Variants in DGKB observed in about 807,000 individuals in gnomAD.
The protein encoded by DGKB is 90 kDa diacylglycerol kinase.
Under a neutral mutation model 114.3 loss-of-function variants are expected in DGKB, and 67 were observed. The observed-to-expected ratio is 0.59, with a 90% CI of 0.48 to 0.72. DGKB has a LOEUF of 0.72. Ranked by LOEUF, DGKB falls within the 30% of genes least tolerant of loss-of-function variation. DGKB has a pLI of 0.00. For synonymous variants in DGKB, 398 were observed against 323.1 expected, an observed-to-expected ratio of 1.23 and a Z score of -2.49; for missense variants, 907 against 975.2, an observed-to-expected ratio of 0.93 and a Z score of 0.93.
At chr7:14,532,254 A>G (rs1227432688) in intron 20 of DGKB, among the ~76,000 whole-genome samples, 1 of 151,246 alleles carries the variant, frequency 6.6e-6, no homozygotes, top group Non-Finnish European at 1.5e-5. Flanking sequence ...CTACAAAAAA[A>G]AAAAGACAAA....
intron 13 of DGKB, 67 bp from the exon 14 acceptor site, chr7:14,630,335 T>C: frequency 8.0e-7 from 1 of 1,243,312 alleles, no homozygotes; most frequent in Non-Finnish European, 1.1e-6. Context: ...TCAGTGAAGT[T>C]TCTCATATCA....
intron 20 of DGKB, among the ~76,000 whole-genome samples, chr7:14,543,675 G>C (rs985172068): frequency 6.6e-6 from 1 of 152,138 alleles, no homozygotes; most frequent in South Asian, 2.1e-4. Flanking sequence ...AAAACTATTT[G>C]TAAAGAATTT....
At chr7:14,470,897 T>C (rs1439382284) in intron 21 of DGKB, among the ~76,000 whole-genome samples, 1 of 151,530 alleles carries the variant, frequency 6.6e-6, no homozygotes, top group African/African-American at 2.4e-5. Flanking sequence ...TTTTGTTGAA[T>C]TCACAGAAAT....
At chr7:14,478,044 A>G (rs921748816) in intron 21 of DGKB, 117 bp downstream of exon 21, 5 of 584,786 alleles carry the variant, frequency 8.6e-6, no homozygotes, top group South Asian at 5.7e-5. Flanking sequence ...ACACACACAC[A>G]CGCACACAAA....
intron 20 of DGKB, among the ~76,000 whole-genome samples, chr7:14,557,439 A>G (rs963368512): frequency 3.3e-5 from 5 of 152,190 alleles, no homozygotes; most frequent in African/African-American, 1.2e-4. Flanking sequence ...GGGAGAAAAA[A>G]GCTTTGGGCT....
intron 20 of DGKB, among the ~76,000 whole-genome samples, chr7:14,565,405 C>G (rs1224757834): frequency 6.6e-6 from 1 of 152,134 alleles, no homozygotes; most frequent in Non-Finnish European, 1.5e-5. Context: ...CATATTAAGC[C>G]ACTGAATTTT....
intron 1 of DGKB, among the ~76,000 whole-genome samples, chr7:14,944,794 C>T (rs1228879676): frequency 7.0e-6 from 1 of 142,702 alleles, no homozygotes; most frequent in Non-Finnish European, 1.5e-5. Context: ...TCAAAAATGT[C>T]AATAATGCTA....
At position 14,307,403 on chromosome 7, in the gene DGKB, T is replaced by C. The variant is rs368736319; in HGVS notation, c.2122+31112A>G. The stretch of plus-strand genomic sequence containing the variant: ...AAGACATTTAATTCAAGTTTTAACA[T>C]ATTTCTAATGTATGACTAAGCATAT... On this transcript the variant is annotated intron_variant, in intron 23 of 25. Coordinates refer to ENST00000402815, the MANE Select transcript of DGKB (RefSeq NM_001350709.2). 2.6e-5 allele frequency among the ~76,000 whole-genome samples: 4 copies of C among 152,230 alleles called. No individual in the cohort carries two copies. In the East Asian group the frequency reaches 7.7e-4, roughly 29 times the overall value.
chr7:14,970,231 T>C (rs1379214223), intron 1 of DGKB, among the ~76,000 whole-genome samples: 3 of 152,150 alleles, frequency 2.0e-5, no homozygotes, highest in African/African-American at 7.2e-5. Context: ...ATGATGATGA[T>C]GAACTATCAC....
chr7:14,613,090 G>C (rs533751775), intron 16 of DGKB, among the ~76,000 whole-genome samples: 1 of 152,074 alleles, frequency 6.6e-6, no homozygotes, highest in Non-Finnish European at 1.5e-5. Flanking sequence ...TTAGGGGATA[G>C]GGGTGATAGG....
chr7:14,621,278 G>T, intron 15 of DGKB, 100 bp downstream of exon 15: 1 of 691,214 alleles, frequency 1.4e-6, no homozygotes, highest in Non-Finnish European at 2.5e-6. Flanking sequence ...AAGCTAATAT[G>T]CAGATTAAAC....
At chr7:14,168,515 T>C (rs1041614987) in intron 25 of DGKB, among the ~76,000 whole-genome samples, 3 of 151,944 alleles carry the variant, frequency 2.0e-5, no homozygotes, top group African/African-American at 7.3e-5. Context: ...CTCATCAAAG[T>C]CCAACTGCTG....
intron 21 of DGKB, among the ~76,000 whole-genome samples, chr7:14,438,831 T>G (rs1474350803): frequency 1.3e-5 from 2 of 152,124 alleles, no homozygotes; most frequent in Non-Finnish European, 2.9e-5. Flanking sequence ...CTATATCTTT[T>G]GAAAGGTTAA....
At chr7:14,422,030 A>G (rs1826793897) in intron 21 of DGKB, among the ~76,000 whole-genome samples, 1 of 152,052 alleles carries the variant, frequency 6.6e-6, no homozygotes, top group South Asian at 2.1e-4. Context: ...AAGCATATTT[A>G]TAGAAGGTAT....
chr7:14,344,618 TTTC>T (rs1279545864), intron 22 of DGKB, among the ~76,000 whole-genome samples: 1 of 151,638 alleles, frequency 6.6e-6, no homozygotes. Flanking sequence ...AAATATAACT[TTTC>T]TTTTTTCTTT....
intron 2 of DGKB, among the ~76,000 whole-genome samples, chr7:14,780,118 T>G (rs536766925): frequency 7.9e-5 from 12 of 152,328 alleles, no homozygotes; most frequent in African/African-American, 2.6e-4. Context: ...ATGTGCCTTC[T>G]GCATGCTTTC....
intron 21 of DGKB, among the ~76,000 whole-genome samples, chr7:14,379,833 C>T (rs1051515949): frequency 1.3e-5 from 2 of 151,072 alleles, no homozygotes. Context: ...GTTGGGATTA[C>T]AGGCGTGAGC....
intron 2 of DGKB, among the ~76,000 whole-genome samples, chr7:14,837,495 T>A (rs1847319214): frequency 6.6e-6 from 1 of 152,260 alleles, no homozygotes; most frequent in Non-Finnish European, 1.5e-5. Context: ...AATACTTATT[T>A]GATATATACC....
intron 21 of DGKB, among the ~76,000 whole-genome samples, chr7:14,407,613 G>T (rs777058063): frequency 6.6e-6 from 1 of 152,012 alleles, no homozygotes; most frequent in African/African-American, 2.4e-5. Context: ...CTAAAATTTC[G>T]TTGGCCAAAA....
Sources: allele counts gnomAD v4.1 joint callset (sites outside exome capture counted in the v4.1 genomes callset), GRCh38; gene constraint gnomAD v4.1.1; transcripts MANE v1.5; gene names NCBI Gene and HGNC (gene_info 2026-07-23, HGNC 2026-07-21).